The following CARMIL1 variants were observed in gnomAD, a reference collection of about 807,000 sequenced individuals.
CARMIL1 encodes the protein capping protein regulator and myosin 1 linker 1.
In CARMIL1, 90 loss-of-function variants were observed where a neutral mutation model predicts 177.1. The ratio of observed to expected loss-of-function variants is 0.51; its 90% CI spans 0.43 to 0.61. The LOEUF (loss-of-function observed/expected upper bound fraction) is 0.61, where lower values mean the gene tolerates loss of function less well. Among genes scored for constraint, CARMIL1 ranks in the 20% least tolerant of loss-of-function variants. The pLI is 0.00. For synonymous variants in CARMIL1, 577 were observed against 606.2 expected (o/e 0.95, Z 0.71); for missense variants, 1,380 against 1,667.0 (o/e 0.83, Z 3.00).
intron 2 of CARMIL1, among the ~76,000 whole-genome samples, chr6:25,342,326 C>T (rs1005812233): frequency 3.3e-5 from 5 of 152,152 alleles, no homozygotes; most frequent in Non-Finnish European, 5.9e-5. Context: ...GTGACTTTCC[C>T]TAAGCCACTG....
At chr6:25,510,829 C>T in intron 20 of CARMIL1, 67 bp downstream of exon 20, 1 of 904,432 alleles carries the variant, frequency 1.1e-6, no homozygotes, top group South Asian at 1.6e-5. Context: ...ATTATTTCTA[C>T]TGGATTAATG....
chr6:25,479,461 G>A (rs543175143), intron 11 of CARMIL1, among the ~76,000 whole-genome samples: 96 of 152,244 alleles, frequency 6.3e-4, no homozygotes, highest in African/African-American at 2.1e-3. Context: ...TTACAGATGT[G>A]TTTATACCCT....
At position 25,515,689 on chromosome 6, in the gene CARMIL1, G is replaced by C. The variant is rs1462905078; in HGVS notation, c.1647G>C (p.Leu549Phe). The change falls in exon 21 of 37, where the codon TTG becomes TTC. Residue 549 changes from leucine (L) to phenylalanine (F), a missense_variant. By Grantham distance (22) the Leu-to-Phe change is conservative (BLOSUM62 0). Transcript: ENST00000329474. The surrounding 1 kb of genome is among the most constrained non-coding windows in gnomAD (Gnocchi z 5.0). Reference sequence around the variant, plus strand: ...TTGCTCCGCAGCCTCTGCAGTCCTTGTCCCTGGCTGACTCGAAACTCAAGA... The same window carrying C: ...TTGCTCCGCAGCCTCTGCAGTCCTTCTCCCTGGCTGACTCGAAACTCAAGA... The part of the protein sequence containing the change: ...IQDEESPLQS[L>F]SLADSKLKTE... 2 of 1,604,070 alleles carry C rather than the reference G, an allele frequency of 1.2e-6. No homozygotes were observed. Among genetic ancestry groups the C allele is most frequent in the South Asian group, 1.1e-5 (1 of 88,548 alleles).
Position 25,586,118 on chromosome 6 carries a change from GA to G in CARMIL1, c.3006+4680del, listed in dbSNP as rs1380540414. ...GAGGCGCCCCCCATCTCCCTAACGG[GA>G]CGGCTGGCCGGGCGGGGGGTTGCCC... On this transcript the variant is annotated intron_variant, in intron 31 of 36. Transcript: ENST00000329474. 2.0e-5 allele frequency among the ~76,000 whole-genome samples: 3 copies of G among 150,328 alleles called. 1 individual carries two copies. Among genetic ancestry groups the G allele is most frequent in the Admixed American group, 2.0e-4 (3 of 15,186 alleles).
rs9467525 is a variant in CARMIL1, at chr6:25,482,239, T to G, written c.875-18T>G. On this transcript the variant is annotated intron_variant, in intron 11 of 36. Coordinates refer to ENST00000329474, the MANE Select transcript of CARMIL1 (RefSeq NM_017640.6). ...CTGAGAACTTGAAAATTCTAATCGC[T>G]TCTTTTTCCTTTCTCAGGTGTGTCC... The G allele has an allele frequency of 5.4e-3, 7,277 of 1,346,660 alleles. 109 individuals carry two copies. The highest frequency in any genetic ancestry group is 0.045 in the African/African-American group (3,057 of 67,748). 83.4% of individuals were successfully genotyped at this position (1,346,660 alleles called of 1,614,324 possible). A position where few individuals can be genotyped will look rare whatever the true frequency, so the allele number is the denominator to read the frequency against.
intron 2 of CARMIL1, among the ~76,000 whole-genome samples, chr6:25,369,618 C>G (rs777156552): frequency 7.9e-5 from 12 of 152,088 alleles, no homozygotes; most frequent in Non-Finnish European, 1.5e-4. Context: ...GCTGACTTTC[C>G]TCCCCTGCAG....
Position 25,482,313 on chromosome 6 carries a change from A to C in CARMIL1, c.931A>C (p.Asn311His). The change falls in exon 12 of 37, where the codon AAT (asparagine) becomes CAT (histidine). Residue 311 changes from asparagine (N) to histidine (H), a missense_variant. Physicochemically the swap from Asn to His is moderately conservative, Grantham distance 68 (BLOSUM62 1). Coordinates refer to ENST00000329474, the MANE Select transcript of CARMIL1 (RefSeq NM_017640.6). ...AKLPKGLKHL[N>H]LSKTSLSPKG... ...ACTCCCAAAGGGATTAAAGCACTTA[A>C]ATTTATCTAAAACCTCATTATCACC... The C allele has an allele frequency of 1.3e-6, 2 of 1,583,400 alleles. No homozygotes were observed. Among genetic ancestry groups the C allele is most frequent in the Non-Finnish European group, 1.7e-6 (2 of 1,159,736 alleles).
Position 25,515,927 on chromosome 6 carries a change from C to A in CARMIL1, c.1805+80C>A. Reference sequence around the variant, plus strand: ...CAGCAAGCATTGCAGAGCTGCTGGGCCCGAGGGGACCTGGGCTTCCCATGA... The same window carrying A: ...CAGCAAGCATTGCAGAGCTGCTGGGACCGAGGGGACCTGGGCTTCCCATGA... On this transcript the variant is annotated intron_variant, in intron 21 of 36. Transcript: ENST00000329474. This position sits in a 1 kb window ranked among gnomAD's most constrained non-coding sequence, Gnocchi z 5.0. 3 of 1,412,176 alleles carry A rather than the reference C, an allele frequency of 2.1e-6. No individual in the cohort carries two copies. Among genetic ancestry groups the A allele is most frequent in the African/African-American group, 1.4e-5 (1 of 70,186 alleles). The allele number at this position is 1,412,176 out of a possible 1,614,324, so 87.5% of individuals were successfully genotyped here. A position where few individuals can be genotyped will look rare whatever the true frequency, so the allele number is the denominator to read the frequency against.
intron 2 of CARMIL1, among the ~76,000 whole-genome samples, chr6:25,317,006 A>G (rs1784333592): frequency 6.6e-6 from 1 of 152,200 alleles, no homozygotes; most frequent in South Asian, 2.1e-4. Context: ...CAGAGAGGGA[A>G]TGTTTGAAGA....
rs1435018831 is a variant in CARMIL1, at chr6:25,279,711, T to TA, written c.-78dup. The TA allele has an allele frequency of 2.2e-6, 3 of 1,346,246 alleles. No individual in the cohort carries two copies. Among genetic ancestry groups the TA allele is most frequent in the Admixed American group, 1.7e-5 (1 of 59,616 alleles). The allele number at this position is 1,346,246 out of a possible 1,614,324, so 83.4% of individuals were successfully genotyped here. On this transcript the variant is annotated 5_prime_UTR_variant, in exon 1 of 37. Coordinates refer to ENST00000329474, the MANE Select transcript of CARMIL1 (RefSeq NM_017640.6). ...CATTTGCAAGCTGCATCTGCCTCTC[T>TA]AAAAAAATTGAGGAGTTCGGGGAAG...
intron 20 of CARMIL1, among the ~76,000 whole-genome samples, chr6:25,511,753 C>T (rs115180976): frequency 2.0e-5 from 3 of 152,178 alleles, no homozygotes; most frequent in Non-Finnish European, 2.9e-5. Context: ...CACTTCCTCA[C>T]TTGCCGTTGC....
chr6:25,356,309 G>A (rs908091026), intron 2 of CARMIL1, among the ~76,000 whole-genome samples: 6 of 151,886 alleles, frequency 4.0e-5, no homozygotes, highest in Non-Finnish European at 8.8e-5. Context: ...CACCCGCCTC[G>A]GCCTCCCAAA....
At chr6:25,488,678 CCT>C (rs1480220641) in intron 13 of CARMIL1, 93 bp downstream of exon 13, 2 of 1,011,818 alleles carry the variant, frequency 2.0e-6, no homozygotes, top group Non-Finnish European at 3.1e-6. Context: ...CATTTTCCTG[CCT>C]CTCTCTTTGT....
In CARMIL1 at chr6:25,485,078, C is replaced by A. The variant is rs962450978; in HGVS notation, c.961+2735C>A. Among the ~76,000 whole-genome samples, 21 of 152,128 alleles carry A rather than the reference C, an allele frequency of 1.4e-4. No homozygotes were observed. In the East Asian group the frequency reaches 3.3e-3, roughly 24 times the overall value. ...CAAAAAAATGATTATATTAATAATT[C>A]TTGATTATATTTATTTTAATTCATT... On this transcript the variant is annotated intron_variant, in intron 12 of 36. Coordinates refer to ENST00000329474, the MANE Select transcript of CARMIL1 (RefSeq NM_017640.6).
intron 4 of CARMIL1, among the ~76,000 whole-genome samples, chr6:25,427,159 A>G (rs562603893): frequency 6.6e-6 from 1 of 152,134 alleles, no homozygotes; most frequent in East Asian, 1.9e-4. Flanking sequence ...CAGTCAGTTT[A>G]ATTATTATTA....
chr6:25,609,096 T>C (rs1816265917), intron 35 of CARMIL1, among the ~76,000 whole-genome samples: 2 of 152,106 alleles, frequency 1.3e-5, no homozygotes, highest in Non-Finnish European at 2.9e-5. Context: ...GCTTGTCCAA[T>C]CCTGTGAGCC....
At chr6:25,610,961 C>G (rs1816462983) in intron 36 of CARMIL1, among the ~76,000 whole-genome samples, 2 of 152,322 alleles carry the variant, frequency 1.3e-5, no homozygotes, top group South Asian at 2.1e-4. Context: ...CACAAGTCGT[C>G]TACACCCAGA....
At chr6:25,506,282 C>G (rs148554068) in intron 17 of CARMIL1, among the ~76,000 whole-genome samples, 1 of 152,226 alleles carries the variant, frequency 6.6e-6, no homozygotes, top group Non-Finnish European at 1.5e-5. Context: ...CATGATGGCT[C>G]ACGCCTGTCA....
Position 25,340,777 on chromosome 6 carries a change from G to GTTTTTT in CARMIL1, c.138+55890_138+55895dup, listed in dbSNP as rs34928775. Among the ~76,000 whole-genome samples, 501 of 86,108 alleles carry GTTTTTT rather than the reference G, an allele frequency of 5.8e-3. 46 individuals are homozygous for GTTTTTT. The highest frequency in any genetic ancestry group is 0.057 in the East Asian group (137 of 2,424). The allele number at this position is 86,108 out of a possible 152,430, so 56.5% of individuals were successfully genotyped here. A position where few individuals can be genotyped will look rare whatever the true frequency, so the allele number is the denominator to read the frequency against. ...AAGCTGGAGAAGGCTGTCAATGAAGGTTTTTTTTTTTTTTTTTTTTTTTTT... is the reference window on the plus strand; with the variant it reads ...AAGCTGGAGAAGGCTGTCAATGAAGGTTTTTTTTTTTTTTTTTTTTTTTTTTTTTTT... On this transcript the variant is annotated intron_variant, in intron 2 of 36. Coordinates refer to ENST00000329474, the MANE Select transcript of CARMIL1 (RefSeq NM_017640.6).
Sources: allele counts gnomAD v4.1 joint callset (sites outside exome capture counted in the v4.1 genomes callset), GRCh38; gene constraint gnomAD v4.1.1; non-coding constraint Gnocchi (gnomAD v3.1); transcripts MANE v1.5; gene names NCBI Gene and HGNC (gene_info 2026-07-23, HGNC 2026-07-21).